The following TTC7A variants were observed in gnomAD, a reference collection of about 807,000 sequenced individuals.
The protein encoded by TTC7A is tetratricopeptide repeat protein 7A.
TTC7A carries 110 observed loss-of-function variants against 103.7 expected under a neutral mutation model. That is an observed-to-expected ratio of 1.06 (90% CI 0.91 to 1.24). TTC7A has a LOEUF of 1.24. TTC7A is among the 50% of genes most tolerant of loss of function. The probability of loss-of-function intolerance (pLI) is 0.00; values close to 1 mark genes in which losing one functional copy is unlikely to be tolerated. For missense variants in TTC7A, 1,340 were observed against 1,116.3 expected (o/e 1.20, Z -2.86); for synonymous variants, 521 against 467.9 (o/e 1.11, Z -1.47).
intron 3 of TTC7A, among the ~76,000 whole-genome samples, chr2:46,960,192 C>A (rs1032188124): frequency 6.6e-6 from 1 of 152,168 alleles, no homozygotes; most frequent in Non-Finnish European, 1.5e-5. Context: ...GAAGAAGAAT[C>A]ACCTCTTCCC....
In TTC7A at chr2:47,007,040, G is replaced by A. The variant is rs1418222836; in HGVS notation, c.1287+316G>A. ...TGTGACTGCATGTGGTGGATATGAG[G>A]TGCATCCAGGTGAGTGAACATTGTT... is the stretch of plus-strand genomic sequence containing the variant. On this transcript the variant is annotated intron_variant, in intron 10 of 19. Transcript: ENST00000319190. This position sits in a 1 kb window ranked among gnomAD's most constrained non-coding sequence, Gnocchi z 4.9. 2.0e-5 allele frequency among the ~76,000 whole-genome samples: 3 copies of A among 152,168 alleles called. No individual in the cohort carries two copies. The highest frequency in any genetic ancestry group is 4.4e-5 in the Non-Finnish European group (3 of 68,028).
intron 4 of TTC7A, among the ~76,000 whole-genome samples, chr2:46,977,779 C>T (rs1436367577): frequency 2.0e-5 from 3 of 152,166 alleles, no homozygotes; most frequent in African/African-American, 7.2e-5. Flanking sequence ...CACTCTTTTG[C>T]CCAGGCTGGT....
rs1376410986 is a variant in TTC7A at position 47,005,920 on chromosome 2, A to G, written c.1066-2A>G. The G allele has an allele frequency of 6.2e-7, 1 of 1,614,086 alleles. No homozygotes were observed. Among genetic ancestry groups the G allele is most frequent in the Non-Finnish European group, 8.5e-7 (1 of 1,180,016 alleles). ...CTTTCCCAAACAATGTCCCACCCAC[A>G]GGCAACTCGAGATGTGGTGCTGAGC... On this transcript the variant is annotated splice_acceptor_variant, in intron 8 of 19. Transcript: ENST00000319190. LOFTEE classifies it high-confidence loss of function.
intron 10 of TTC7A, among the ~76,000 whole-genome samples, chr2:47,008,639 C>G (rs537174474): frequency 7.2e-5 from 11 of 152,306 alleles, no homozygotes; most frequent in Admixed American, 5.2e-4. Context: ...CTCCACCCCC[C>G]TTGGGAACCC....
chr2:46,942,525 G>A (rs1429704303), intron 1 of TTC7A, among the ~76,000 whole-genome samples: 1 of 152,202 alleles, frequency 6.6e-6, no homozygotes. Flanking sequence ...TGAAGGCTCT[G>A]AGAGGGACAG....
In TTC7A at chr2:47,007,128, G is replaced by A. The variant is rs1558568822; in HGVS notation, c.1287+404G>A. On this transcript the variant is annotated intron_variant, in intron 10 of 19. Transcript: ENST00000319190. The surrounding 1 kb of genome is among the most constrained non-coding windows in gnomAD (Gnocchi z 4.9). ...TAGCATCAGGAAATGGCCTGCTTGT[G>A]GACTGGAGACTTGCCTCGGAGGGGA... 1.3e-5 allele frequency among the ~76,000 whole-genome samples: 2 copies of A among 152,142 alleles called. No individual in the cohort carries two copies. The highest frequency in any genetic ancestry group is 2.9e-5 in the Non-Finnish European group (2 of 68,024).
chr2:46,919,370 C>T (rs1200247768), intron 2 of TTC7A, among the ~76,000 whole-genome samples: 1 of 152,062 alleles, frequency 6.6e-6, no homozygotes, highest in Non-Finnish European at 1.5e-5. Context: ...CCTGTCTCTA[C>T]TAAAAATACA....
chr2:46,955,867 T>G (rs1473401665), intron 2 of TTC7A, among the ~76,000 whole-genome samples: 3 of 152,176 alleles, frequency 2.0e-5, no homozygotes, highest in Non-Finnish European at 2.9e-5. Context: ...ATGGACAGAT[T>G]GGTGCCTGTG....
rs114757316 is a variant in TTC7A at position 47,049,818 on chromosome 2, C to A, written c.1920-131C>A. The A allele has an allele frequency of 0.03, 20,199 of 684,448 alleles. 354 individuals are homozygous for A. Among genetic ancestry groups the A allele is most frequent in the Non-Finnish European group, 0.035 (13,444 of 388,938 alleles). 42.4% of individuals were successfully genotyped at this position (684,448 alleles called of 1,614,324 possible). On this transcript the variant is annotated intron_variant, in intron 16 of 19. Transcript: ENST00000319190. ...CTGTCTTTGGGCCTGAACCCACAGC[C>A]CCAGAGCCTGCCTGGAGTGAGGCTG...
chr2:46,946,904 G>C (rs1670989738), intron 1 of TTC7A, among the ~76,000 whole-genome samples: 1 of 152,166 alleles, frequency 6.6e-6, no homozygotes. Flanking sequence ...TGCCTGCTGA[G>C]TGTCTGGCCA....
At chr2:46,928,795 A>C (rs1669538865) in intron 2 of TTC7A, among the ~76,000 whole-genome samples, 1 of 152,036 alleles carries the variant, frequency 6.6e-6, no homozygotes, top group Admixed American at 6.6e-5. Flanking sequence ...CACGTTTGAA[A>C]TCATATAAAG....
chr2:47,000,412 TA>T (rs1441485378), intron 8 of TTC7A, among the ~76,000 whole-genome samples: 5 of 152,140 alleles, frequency 3.3e-5, no homozygotes, highest in Admixed American at 2.0e-4. Flanking sequence ...ACTGCCAGCT[TA>T]GAGCCCTTGG....
chr2:47,052,937 A>C (rs1295886426), intron 18 of TTC7A, among the ~76,000 whole-genome samples: 1 of 152,198 alleles, frequency 6.6e-6, no homozygotes, highest in Non-Finnish European at 1.5e-5. Flanking sequence ...TTACTGGGAC[A>C]TGGGGATTTG....
At chr2:46,952,917 A>G (rs1279826201) in intron 2 of TTC7A, among the ~76,000 whole-genome samples, 1 of 152,204 alleles carries the variant, frequency 6.6e-6, no homozygotes, top group Non-Finnish European at 1.5e-5. Context: ...TGTAAGATAT[A>G]TATTTTTCAC....
chr2:46,927,884 GTTTTTTTTTTT>G (rs566447236), intron 2 of TTC7A, among the ~76,000 whole-genome samples: 5 of 73,322 alleles, frequency 6.8e-5, no homozygotes, highest in Non-Finnish European at 1.0e-4. Context: ...TTTTTTTGGT[GTTTTTTTTTTT>G]TTTTTTTTTT....
intron 3 of TTC7A, among the ~76,000 whole-genome samples, chr2:46,966,653 T>C (rs543083964): frequency 9.2e-4 from 140 of 151,602 alleles, no homozygotes; most frequent in African/African-American, 3.2e-3. Flanking sequence ...AAATTTTGTA[T>C]ACATCACTTT....
intron 5 of TTC7A, among the ~76,000 whole-genome samples, chr2:46,980,195 C>T (rs1674295987): frequency 6.9e-6 from 1 of 144,868 alleles, no homozygotes. Context: ...TTACTGTTTT[C>T]TTCTACCCTA....
chr2:47,056,292 G>T (rs1045069679), intron 18 of TTC7A, among the ~76,000 whole-genome samples: 3 of 152,202 alleles, frequency 2.0e-5, no homozygotes, highest in Non-Finnish European at 4.4e-5. Context: ...CACCCAAATG[G>T]CCCCCACTGA....
intron 2 of TTC7A, chr2:46,917,418 A>G (rs979910414): frequency 5.3e-6 from 3 of 560,774 alleles, no homozygotes; most frequent in South Asian, 2.3e-5. Flanking sequence ...CCATTCATCC[A>G]TCTCTTCATC....
Sources: allele counts gnomAD v4.1 joint callset (sites outside exome capture counted in the v4.1 genomes callset), GRCh38; gene constraint gnomAD v4.1.1; non-coding constraint Gnocchi (gnomAD v3.1); transcripts MANE v1.5; gene names NCBI Gene and HGNC (gene_info 2026-07-23, HGNC 2026-07-21).